The following FGF14 variants were observed in gnomAD, a reference collection of about 807,000 sequenced individuals.
FGF14 encodes the protein fibroblast growth factor 14, also known as fibroblast growth factor homologous factor 4.
Under a neutral mutation model 25.5 loss-of-function variants are expected in FGF14, and 5 were observed. That is an observed-to-expected ratio of 0.20 (90% CI 0.10 to 0.41). The LOEUF (loss-of-function observed/expected upper bound fraction) is 0.41, where lower values mean the gene tolerates loss of function less well. Ranked by LOEUF, FGF14 falls within the 10% of genes least tolerant of loss-of-function variation. The pLI is 1.00. For missense variants in FGF14, 222 were observed against 320.1 expected (o/e 0.69, Z 2.34); for synonymous variants, 138 against 118.3 (o/e 1.17, Z -1.08).
At chr13:102,215,715 C>T (rs538354417) in intron 1 of FGF14, among the ~76,000 whole-genome samples, 1 of 152,182 alleles carries the variant, frequency 6.6e-6, no homozygotes, top group Non-Finnish European at 1.5e-5. Context: ...CTGATTAGAA[C>T]ATTTTGTATC....
chr13:102,274,982 T>A lies in FGF14; in HGVS notation c.208+126489A>T, dbSNP rs117846630. Among the ~76,000 whole-genome samples, 44 of 151,992 alleles carry A rather than the reference T, an allele frequency of 2.9e-4. 1 individual carries two copies. In the East Asian group the frequency reaches 8.5e-3, roughly 29 times the overall value. On this transcript the variant is annotated intron_variant, in intron 1 of 4. Coordinates refer to the FGF14 transcript ENST00000376131. ...ATTCAACATGGTAACAGCATTCAAC[T>A]CATAAGTATCTATAAAATCCAAAAT... is the stretch of plus-strand genomic sequence containing the variant.
At chr13:102,351,791 G>C (rs555486810) in intron 1 of FGF14, among the ~76,000 whole-genome samples, 2 of 152,348 alleles carry the variant, frequency 1.3e-5, no homozygotes, top group South Asian at 2.1e-4. Flanking sequence ...CCAGGAGAAA[G>C]GGAGAAAAGA....
At chr13:102,351,213 A>G (rs1803654958) in intron 1 of FGF14, among the ~76,000 whole-genome samples, 1 of 152,150 alleles carries the variant, frequency 6.6e-6, no homozygotes, top group South Asian at 2.1e-4. Flanking sequence ...TTTTGTAAAA[A>G]GTACAGTTAC....
chr13:101,979,016 C>T (rs1267212238), intron 1 of FGF14, among the ~76,000 whole-genome samples: 1 of 152,162 alleles, frequency 6.6e-6, no homozygotes, highest in Non-Finnish European at 1.5e-5. Context: ...GACAAGAAAG[C>T]TTGTCACCTT....
chr13:102,202,818 GACC>G (rs1255919129), intron 1 of FGF14, among the ~76,000 whole-genome samples: 1 of 152,100 alleles, frequency 6.6e-6, no homozygotes, highest in Non-Finnish European at 1.5e-5. Flanking sequence ...GCATTATTCT[GACC>G]ACCAGCAAGA....
intron 1 of FGF14, among the ~76,000 whole-genome samples, chr13:102,105,734 A>G (rs963055026): frequency 6.6e-6 from 1 of 152,240 alleles, no homozygotes; most frequent in Non-Finnish European, 1.5e-5. Context: ...TAGCTTATTA[A>G]GCGGAAAAAA....
intron 3 of FGF14, among the ~76,000 whole-genome samples, chr13:101,771,542 T>A (rs1171581241): frequency 6.6e-6 from 1 of 152,094 alleles, no homozygotes; most frequent in Non-Finnish European, 1.5e-5. Flanking sequence ...ACAGCTTCAA[T>A]AAAATTATAC....
At chr13:102,198,222 T>C (rs2049454848) in intron 1 of FGF14, among the ~76,000 whole-genome samples, 2 of 152,308 alleles carry the variant, frequency 1.3e-5, no homozygotes, top group East Asian at 1.9e-4. Flanking sequence ...CACAGCACAG[T>C]GCTAGGCAAG....
intron 3 of FGF14, among the ~76,000 whole-genome samples, chr13:101,808,663 C>A (rs1425016845): frequency 6.6e-6 from 1 of 151,990 alleles, no homozygotes; most frequent in African/African-American, 2.4e-5. Flanking sequence ...TACAACACAC[C>A]TGCTATTTAT....
At chr13:102,280,270 A>T (rs2053762329) in intron 1 of FGF14, among the ~76,000 whole-genome samples, 1 of 152,206 alleles carries the variant, frequency 6.6e-6, no homozygotes, top group Non-Finnish European at 1.5e-5. Flanking sequence ...TTGGAAACAA[A>T]TGTCATTTTA....
intron 1 of FGF14, among the ~76,000 whole-genome samples, chr13:101,877,149 C>T (rs1360561275): frequency 6.6e-6 from 1 of 152,086 alleles, no homozygotes; most frequent in African/African-American, 2.4e-5. Flanking sequence ...GCCACCTACC[C>T]ACCCACTCAC....
At chr13:101,872,483 T>C (rs942219219) in intron 2 of FGF14, among the ~76,000 whole-genome samples, 1 of 151,896 alleles carries the variant, frequency 6.6e-6, no homozygotes, top group African/African-American at 2.4e-5. Context: ...TTCCTATTTT[T>C]AAAGAATTTT....
intron 1 of FGF14, among the ~76,000 whole-genome samples, chr13:102,129,724 T>TA (rs904306427): frequency 7.2e-5 from 11 of 152,008 alleles, no homozygotes; most frequent in Non-Finnish European, 1.3e-4. Context: ...CATTAGGAGA[T>TA]ATACCTAATG....
intron 3 of FGF14, among the ~76,000 whole-genome samples, chr13:101,751,435 G>T (rs2037266301): frequency 6.6e-6 from 1 of 152,062 alleles, no homozygotes; most frequent in African/African-American, 2.4e-5. Context: ...TTGGTCTGGA[G>T]GCAGAACTGT....
intron 3 of FGF14, among the ~76,000 whole-genome samples, chr13:101,831,101 C>T (rs900805551): frequency 1.3e-5 from 2 of 151,938 alleles, no homozygotes; most frequent in African/African-American, 4.8e-5. Context: ...TACATTTTGC[C>T]TTTCCAATGT....
rs192961786 is a variant in FGF14, at chr13:102,327,863, A to C, written c.208+73608T>G. ...AAAAACAGAACAAAAAACAAACAAA[A>C]AAAAAGGATATCAAGAATTGACTCA... On this transcript the variant is annotated intron_variant, in intron 1 of 4. Transcript: ENST00000376131. Among the ~76,000 whole-genome samples, 746 of 150,602 alleles carry C rather than the reference A, an allele frequency of 5.0e-3. 7 individuals carry two copies. Among genetic ancestry groups the C allele is most frequent in the African/African-American group, 0.017 (683 of 40,350 alleles).
At chr13:101,880,916 T>C (rs1386466551) in intron 1 of FGF14, among the ~76,000 whole-genome samples, 1 of 152,122 alleles carries the variant, frequency 6.6e-6, no homozygotes, top group Non-Finnish European at 1.5e-5. Context: ...TATTTAAGAG[T>C]TGGAGAAAAG....
intron 1 of FGF14, among the ~76,000 whole-genome samples, chr13:102,269,752 C>A (rs936045716): frequency 2.0e-5 from 3 of 152,072 alleles, no homozygotes; most frequent in African/African-American, 7.2e-5. Flanking sequence ...TACCTGTAAT[C>A]CCCGCTACTC....
chr13:102,235,387 T>G (rs2051282201), intron 1 of FGF14, among the ~76,000 whole-genome samples: 1 of 152,144 alleles, frequency 6.6e-6, no homozygotes, highest in Non-Finnish European at 1.5e-5. Flanking sequence ...ACTGAAAATT[T>G]TTTGCTTTGT....
Sources: allele counts gnomAD v4.1 joint callset (sites outside exome capture counted in the v4.1 genomes callset), GRCh38; gene constraint gnomAD v4.1.1; transcripts MANE v1.5; gene names NCBI Gene and HGNC (gene_info 2026-07-23, HGNC 2026-07-21).